RSPH14: variants seen among roughly 807,000 people sequenced by gnomAD.
RSPH14 encodes the protein rhabdoid tumor deletion region gene 1.
A neutral mutation model predicts 26.7 loss-of-function variants in RSPH14; 20 were observed. The observed-to-expected ratio is 0.75, with a 90% CI of 0.53 to 1.09. RSPH14 has a LOEUF of 1.09. Ranked by LOEUF, RSPH14 falls within the 50% of genes least tolerant of loss-of-function variation. The pLI is 0.00. For missense variants in RSPH14, 449 were observed against 457.2 expected, an observed-to-expected ratio of 0.98 and a Z score of 0.16; for synonymous variants, 177 against 189.3, an observed-to-expected ratio of 0.93 and a Z score of 0.53.
Position 23,113,773 on chromosome 22 carries a change from C to T in RSPH14, c.421+20253G>A, listed in dbSNP as rs560038269. Among the ~76,000 whole-genome samples the T allele has an allele frequency of 2.6e-5, 4 of 152,348 alleles. No homozygotes were observed. The East Asian group carries it at 5.8e-4, about 22-fold the overall frequency. On this transcript the variant is annotated intron_variant, in intron 4 of 6. Coordinates refer to ENST00000216036, the MANE Select transcript of RSPH14 (RefSeq NM_014433.3). Reference sequence around the variant, plus strand: ...GGAATGCCTGTGTCCCAGACCCCCTCGGCAGCACTCAGGATGGCCCAGGCA... The same window carrying T: ...GGAATGCCTGTGTCCCAGACCCCCTTGGCAGCACTCAGGATGGCCCAGGCA...
the RSPH14 span, among the ~76,000 whole-genome samples, chr22:23,166,290 A>G: frequency 7.4e-6 from 1 of 134,902 alleles, no homozygotes; most frequent in Non-Finnish European, 1.5e-5. Context: ...TCCAAAGTCC[A>G]GAGTCAGTGT....
intron 4 of RSPH14, among the ~76,000 whole-genome samples, chr22:23,114,290 T>A (rs1030482211): frequency 3.9e-5 from 6 of 152,160 alleles, no homozygotes; most frequent in African/African-American, 9.7e-5. Flanking sequence ...ACTCCCAGCT[T>A]TTCTACAGTG....
At chr22:23,101,614 G>A (rs1056559245) in intron 4 of RSPH14, among the ~76,000 whole-genome samples, 2 of 152,212 alleles carry the variant, frequency 1.3e-5, no homozygotes, top group Admixed American at 6.5e-5. Context: ...AAGGCCTGCC[G>A]CCCTTTTCCC....
In RSPH14 at chr22:23,061,843, G is replaced by T. The variant is rs530022296; in HGVS notation, c.756C>A (p.Ala252=). Residue 252 remains alanine (A), a synonymous_variant, in exon 6 of 7, where the codon GCC becomes GCA. Transcript: ENST00000216036. ...DPVEHVKSNA[A]GALMFATVIT... is the part of the protein sequence containing the mutation. ...TCACTGTGGCGAACATCAGGGCACC[G>T]GCAGCGTTAGACTTCACATGCTCCA... The T allele has an allele frequency of 1.2e-6, 2 of 1,614,126 alleles. No individual in the cohort carries two copies. Among genetic ancestry groups the T allele is most frequent in the African/African-American group, 1.3e-5 (1 of 75,036 alleles).
chr22:23,110,964 G>A (rs1464135594), intron 4 of RSPH14, among the ~76,000 whole-genome samples: 3 of 152,218 alleles, frequency 2.0e-5, no homozygotes, highest in South Asian at 2.1e-4. Flanking sequence ...GGTCAGCGAC[G>A]ATTCCATCTA....
In RSPH14 at chr22:23,135,998, T is replaced by C. The variant is rs2146445461; in HGVS notation, c.303-1854A>G. 1.7e-5 allele frequency: 3 copies of C among 177,278 alleles called. 1 individual carries two copies. The South Asian group carries it at 5.9e-4, about 35-fold the overall frequency. 11.0% of individuals were successfully genotyped at this position (177,278 alleles called of 1,614,324 possible). On this transcript the variant is annotated intron_variant, in intron 3 of 6. Transcript: ENST00000216036. ...ATAAATAAAAATAAATTTTATTTAT[T>C]TTATTTATTTATTTATTTTCACTTA...
At chr22:23,122,124 T>TA (rs1389605177) in intron 4 of RSPH14, among the ~76,000 whole-genome samples, 1 of 152,204 alleles carries the variant, frequency 6.6e-6, no homozygotes, top group Non-Finnish European at 1.5e-5. Context: ...GAAGCAGGGG[T>TA]AGCTTTTGCC....
At chr22:23,156,565 C>T in the RSPH14 span, among the ~76,000 whole-genome samples, 2 of 152,196 alleles carry the variant, frequency 1.3e-5, no homozygotes, top group Admixed American at 6.5e-5. Context: ...GATGCCTACC[C>T]CACCTTCCCA....
At chr22:23,160,919 G>A in the RSPH14 span, 1 of 1,613,938 alleles carries the variant, frequency 6.2e-7, no homozygotes, top group Non-Finnish European at 8.5e-7. Context: ...TAGCCGCCCT[G>A]GCATTCGAGC....
chr22:23,128,981 G>C (rs938370640), intron 4 of RSPH14, among the ~76,000 whole-genome samples: 4 of 152,194 alleles, frequency 2.6e-5, no homozygotes, highest in Admixed American at 2.0e-4. Context: ...CTGGGAGCCA[G>C]CTAAGCCCTG....
At chr22:23,176,086 T>G in the RSPH14 span, among the ~76,000 whole-genome samples, 1 of 152,222 alleles carries the variant, frequency 6.6e-6, no homozygotes, top group African/African-American at 2.4e-5. Flanking sequence ...CCACTTTCTC[T>G]CTGAGGTCTT....
At chr22:23,090,077 G>A (rs1281494082) in intron 4 of RSPH14, among the ~76,000 whole-genome samples, 7 of 150,520 alleles carry the variant, frequency 4.7e-5, no homozygotes, top group Admixed American at 6.6e-5. Context: ...TGCTGGGGGC[G>A]GGGGCCAGGG....
the RSPH14 span, among the ~76,000 whole-genome samples, chr22:23,167,668 T>G: frequency 6.6e-6 from 1 of 152,190 alleles, no homozygotes; most frequent in Non-Finnish European, 1.5e-5. Flanking sequence ...ATCGGTTAAA[T>G]TGACACGTTC....
chr22:23,073,925 G>A (rs1423634528), intron 4 of RSPH14, among the ~76,000 whole-genome samples: 1 of 151,776 alleles, frequency 6.6e-6, no homozygotes, highest in Non-Finnish European at 1.5e-5. Context: ...TGGGGGACAC[G>A]AGATGGGGGT....
At chr22:23,175,643 G>A in the RSPH14 span, among the ~76,000 whole-genome samples, 734 of 152,354 alleles carry the variant, frequency 4.8e-3, 5 homozygotes, top group African/African-American at 0.017. Flanking sequence ...ATTTAGAAAA[G>A]CATGATGATT....
At chr22:23,081,126 A>G (rs1162971528) in intron 4 of RSPH14, among the ~76,000 whole-genome samples, 1 of 152,222 alleles carries the variant, frequency 6.6e-6, no homozygotes, top group Admixed American at 6.5e-5. Flanking sequence ...AAGCCTCAGT[A>G]AAAGCCGTGG....
At chr22:23,068,932 G>C (rs2068273146) in intron 4 of RSPH14, among the ~76,000 whole-genome samples, 1 of 152,190 alleles carries the variant, frequency 6.6e-6, no homozygotes, top group African/African-American at 2.4e-5. Context: ...GCCATTGGCT[G>C]AATTCCCTTG....
chr22:23,060,958 C>A (rs2068082335), intron 6 of RSPH14, among the ~76,000 whole-genome samples: 1 of 152,154 alleles, frequency 6.6e-6, no homozygotes. Context: ...GAGGCTGCCC[C>A]AAGATAAACA....
the RSPH14 span, chr22:23,155,915 C>T: frequency 6.6e-6 from 10 of 1,523,852 alleles, no homozygotes; most frequent in South Asian, 1.2e-4. Context: ...GCTCAAGACA[C>T]TGTGATTGTG....
Sources: gnomAD v4.1 joint callset for allele counts (sites outside exome capture counted in the v4.1 genomes callset) on GRCh38, gnomAD v4.1.1 for gene constraint, MANE v1.5 for transcripts, NCBI Gene and HGNC (gene_info 2026-07-23, HGNC 2026-07-21) for gene names.